Variants in NCOA1 observed in about 807,000 individuals in gnomAD.
The protein encoded by NCOA1 is nuclear receptor coactivator 1.
Under a neutral mutation model 150.9 loss-of-function variants are expected in NCOA1, and 35 were observed. That is an observed-to-expected ratio of 0.23 (90% CI 0.18 to 0.31). The LOEUF is 0.31. Ranked by LOEUF, NCOA1 falls within the 10% of genes least tolerant of loss-of-function variation. The probability of loss-of-function intolerance (pLI) is 1.00; values close to 1 mark genes in which losing one functional copy is unlikely to be tolerated. For synonymous variants in NCOA1, 590 were observed against 630.0 expected (o/e 0.94, Z 0.95); for missense variants, 1,491 against 1,749.3 (o/e 0.85, Z 2.63).
At chr2:24,571,809 C>T (rs1254502739) in intron 2 of NCOA1, among the ~76,000 whole-genome samples, 3 of 152,180 alleles carry the variant, frequency 2.0e-5, no homozygotes, top group Non-Finnish European at 2.9e-5. Flanking sequence ...AATTAGCTTA[C>T]TGTGTATCCA....
At position 24,665,730 on chromosome 2, in the gene NCOA1, G is replaced by A. The variant is rs1389120425; in HGVS notation, c.90-19G>A. On this transcript the variant is annotated intron_variant, in intron 5 of 22. Transcript: ENST00000348332. ...TGGTGATACAAATGTACACTAACTG[G>A]ATTTTCTTTGTGTAACAGCACGGAA... The A allele has an allele frequency of 2.7e-6, 4 of 1,485,286 alleles. No individual in the cohort carries two copies. The African/African-American group carries it at 5.7e-5, about 21-fold the overall frequency. 92.0% of individuals were successfully genotyped at this position (1,485,286 alleles called of 1,614,324 possible).
intron 17 of NCOA1, among the ~76,000 whole-genome samples, chr2:24,734,023 A>G (rs1195327819): frequency 6.6e-6 from 1 of 151,952 alleles, no homozygotes; most frequent in East Asian, 1.9e-4. Context: ...CGTCTCTACT[A>G]AAAATACAAA....
intron 3 of NCOA1, among the ~76,000 whole-genome samples, chr2:24,628,456 A>C (rs1669531904): frequency 6.6e-6 from 1 of 152,220 alleles, no homozygotes; most frequent in Admixed American, 6.5e-5. Flanking sequence ...TTGTTGAATT[A>C]GAGCAGGTTC....
At chr2:24,586,714 A>G (rs1050640162) in intron 3 of NCOA1, among the ~76,000 whole-genome samples, 11 of 152,104 alleles carry the variant, frequency 7.2e-5, no homozygotes, top group Non-Finnish European at 1.0e-4. Flanking sequence ...TTGGCCTCCC[A>G]AAGTGTTGGG....
intron 1 of NCOA1, among the ~76,000 whole-genome samples, chr2:24,504,031 G>C (rs896943161): frequency 6.6e-6 from 1 of 152,080 alleles, no homozygotes; most frequent in South Asian, 2.1e-4. Context: ...CACTGCGCCT[G>C]GCTACTTGTC....
At chr2:24,738,049 A>G (rs1306270475) in intron 17 of NCOA1, among the ~76,000 whole-genome samples, 1 of 152,118 alleles carries the variant, frequency 6.6e-6, no homozygotes, top group Non-Finnish European at 1.5e-5. Flanking sequence ...AAAAAGTTTT[A>G]ACTTATTCCA....
At chr2:24,750,729 T>G (rs920079551) in intron 19 of NCOA1, among the ~76,000 whole-genome samples, 3 of 152,094 alleles carry the variant, frequency 2.0e-5, no homozygotes, top group Admixed American at 1.3e-4. Context: ...GGGGAATGAT[T>G]AGGTGTCTAA....
At position 24,509,457 on chromosome 2, in the gene NCOA1, A is replaced by C. The variant is rs566173954; in HGVS notation, c.-396+17855A>C. ...AAAATAAGATAGATATTAAAGTGAG[A>C]AGTACGCTGGGATGACCATTCATGA... On this transcript the variant is annotated intron_variant, in intron 1 of 22. Transcript: ENST00000348332. 3.9e-5 allele frequency among the ~76,000 whole-genome samples: 6 copies of C among 152,296 alleles called. No individual in the cohort carries two copies. The South Asian group carries it at 1.2e-3, about 32-fold the overall frequency.
intron 5 of NCOA1, among the ~76,000 whole-genome samples, chr2:24,659,737 G>A (rs1163687206): frequency 1.3e-5 from 2 of 152,252 alleles, no homozygotes; most frequent in African/African-American, 4.8e-5. Flanking sequence ...GACATTTCGT[G>A]TCAGATAATT....
intron 3 of NCOA1, among the ~76,000 whole-genome samples, chr2:24,639,454 T>G (rs1287714036): frequency 6.6e-6 from 1 of 152,152 alleles, no homozygotes; most frequent in African/African-American, 2.4e-5. Flanking sequence ...TTGCTAAAGT[T>G]TTATCAATTT....
At chr2:24,726,197 T>G (rs1208482144) in intron 14 of NCOA1, among the ~76,000 whole-genome samples, 2 of 152,138 alleles carry the variant, frequency 1.3e-5, no homozygotes, top group Non-Finnish European at 2.9e-5. Context: ...GTATTTTATC[T>G]TTTGCTCACC....
chr2:24,492,713 T>C (rs1217304768), intron 1 of NCOA1, among the ~76,000 whole-genome samples: 1 of 151,382 alleles, frequency 6.6e-6, no homozygotes, highest in Non-Finnish European at 1.5e-5. Flanking sequence ...TAATGTCGAG[T>C]GTGATGTTGG....
intron 9 of NCOA1, 95 bp downstream of exon 9, chr2:24,691,755 TTTTTGG>T (rs1672677247): frequency 7.6e-7 from 1 of 1,322,338 alleles, no homozygotes; most frequent in Non-Finnish European, 1.0e-6. Flanking sequence ...TCAGATAGTA[TTTTTGG>T]TTACTATAAT....
At chr2:24,641,526 T>C (rs1318705556) in intron 3 of NCOA1, among the ~76,000 whole-genome samples, 1 of 152,166 alleles carries the variant, frequency 6.6e-6, no homozygotes, top group Non-Finnish European at 1.5e-5. Flanking sequence ...CTTTAGTATT[T>C]CTTATATATT....
At chr2:24,695,664 A>G (rs919320242) in intron 10 of NCOA1, among the ~76,000 whole-genome samples, 8 of 152,212 alleles carry the variant, frequency 5.3e-5, no homozygotes, top group African/African-American at 1.7e-4. Context: ...TTAAAAAAAG[A>G]AAAAAGTATT....
intron 3 of NCOA1, among the ~76,000 whole-genome samples, chr2:24,642,707 C>T (rs1034429701): frequency 6.6e-6 from 1 of 151,836 alleles, no homozygotes; most frequent in Non-Finnish European, 1.5e-5. Context: ...TTGTAATAGC[C>T]GAAAACTAAA....
intron 3 of NCOA1, among the ~76,000 whole-genome samples, chr2:24,603,826 A>G (rs886340346): frequency 6.6e-6 from 1 of 152,252 alleles, no homozygotes; most frequent in African/African-American, 2.4e-5. Context: ...TCTCCCATGA[A>G]TCACGAATGT....
intron 1 of NCOA1, among the ~76,000 whole-genome samples, chr2:24,541,237 T>A (rs995826267): frequency 6.6e-6 from 1 of 152,136 alleles, no homozygotes; most frequent in Non-Finnish European, 1.5e-5. Context: ...CACTACTGTT[T>A]GAGAGCTACG....
Position 24,688,343 on chromosome 2 carries a change from GGTT to G in NCOA1, c.533-3136_533-3134del, listed in dbSNP as rs1192316323. On this transcript the variant is annotated intron_variant, in intron 8 of 22. Transcript: ENST00000348332. The stretch of plus-strand genomic sequence containing the variant: ...GAATTACCACACTGCTTTCCACAAT[GGTT>G]GAACTAATTTACACTCCCACCAACA... Among the ~76,000 whole-genome samples, 5 of 152,312 alleles carry G rather than the reference GGTT, an allele frequency of 3.3e-5. No homozygotes were observed. In the South Asian group the frequency reaches 1.0e-3, roughly 32 times the overall value.
Sources: gnomAD v4.1 joint callset for allele counts (sites outside exome capture counted in the v4.1 genomes callset) on GRCh38, gnomAD v4.1.1 for gene constraint, MANE v1.5 for transcripts, NCBI Gene and HGNC (gene_info 2026-07-23, HGNC 2026-07-21) for gene names.